HHAT: variants seen among roughly 807,000 people sequenced by gnomAD.
HHAT encodes hedgehog acyltransferase, also known as protein-cysteine N-palmitoyltransferase HHAT.
A neutral mutation model predicts 70.8 loss-of-function variants in HHAT; 47 were observed. The observed-to-expected ratio is 0.66, with a 90% CI of 0.53 to 0.85. The LOEUF (loss-of-function observed/expected upper bound fraction) is 0.85. Among genes scored for constraint, HHAT ranks in the 40% least tolerant of loss-of-function variants. HHAT has a pLI of 0.00. For synonymous variants in HHAT, 228 were observed against 247.6 expected (o/e 0.92, Z 0.74); for missense variants, 609 against 604.8 (o/e 1.01, Z -0.07).
intron 8 of HHAT, among the ~76,000 whole-genome samples, chr1:210,465,762 T>C (rs1272819618): frequency 6.6e-6 from 1 of 152,258 alleles, no homozygotes; most frequent in Non-Finnish European, 1.5e-5. Flanking sequence ...TAGTAACTTA[T>C]TACAGATGCT....
chr1:210,482,559 C>T (rs2094413235), intron 8 of HHAT, among the ~76,000 whole-genome samples: 2 of 152,124 alleles, frequency 1.3e-5, no homozygotes, highest in African/African-American at 4.8e-5. Context: ...TTTTTACAAC[C>T]GTGATCCCAG....
chr1:210,517,455 CTT>C lies in HHAT; in HGVS notation c.1043+4270_1043+4271del, dbSNP rs10557944. Among the ~76,000 whole-genome samples the C allele has an allele frequency of 3.6e-3, 545 of 152,206 alleles. 1 individual carries two copies. The highest frequency in any genetic ancestry group is 0.012 in the African/African-American group (518 of 41,518). On this transcript the variant is annotated intron_variant, in intron 9 of 11. Transcript: ENST00000261458. ...CTCAGAATTGTAGCCAGCACTGTCTCTTTTAAGACAAAGGTGTACATGTGGTC... is the reference window on the plus strand; with the variant it reads ...CTCAGAATTGTAGCCAGCACTGTCTCTTAAGACAAAGGTGTACATGTGGTC...
chr1:210,395,296 G>A (rs1164191683), intron 4 of HHAT, among the ~76,000 whole-genome samples: 3 of 152,206 alleles, frequency 2.0e-5, no homozygotes, highest in Non-Finnish European at 4.4e-5. Context: ...CCTTGGCACA[G>A]AATGAGCTGA....
intron 3 of HHAT, among the ~76,000 whole-genome samples, chr1:210,366,105 T>C (rs1287437966): frequency 6.6e-6 from 1 of 152,048 alleles, no homozygotes; most frequent in Non-Finnish European, 1.5e-5. Context: ...TGATTTTTAA[T>C]ATTTTGTAGA....
At chr1:210,660,163 AC>A (rs1677342827) in intron 11 of HHAT, among the ~76,000 whole-genome samples, 1 of 152,102 alleles carries the variant, frequency 6.6e-6, no homozygotes, top group Admixed American at 6.6e-5. Context: ...TATTTAGAAA[AC>A]CCCATTGTCT....
chr1:210,531,715 A>T (rs1035482885), intron 9 of HHAT, among the ~76,000 whole-genome samples: 5 of 152,178 alleles, frequency 3.3e-5, no homozygotes, highest in African/African-American at 1.2e-4. Context: ...AGGAGAGAAA[A>T]CCCATATGAA....
At chr1:210,453,452 G>A (rs1459296201) in intron 7 of HHAT, among the ~76,000 whole-genome samples, 1 of 152,132 alleles carries the variant, frequency 6.6e-6, no homozygotes, top group African/African-American at 2.4e-5. Context: ...TTGATGTGCT[G>A]TTATAAATAT....
intron 7 of HHAT, among the ~76,000 whole-genome samples, chr1:210,453,329 T>C (rs1330276435): frequency 2.0e-5 from 3 of 152,216 alleles, no homozygotes; most frequent in African/African-American, 7.2e-5. Context: ...AGTGTAAACC[T>C]AAAGCTACTC....
At chr1:210,536,323 T>G (rs1455682388) in intron 9 of HHAT, among the ~76,000 whole-genome samples, 2 of 152,258 alleles carry the variant, frequency 1.3e-5, no homozygotes, top group Non-Finnish European at 2.9e-5. Flanking sequence ...CTACTGCTGG[T>G]ATTTTGAGAA....
At chr1:210,652,307 G>A (rs1675325321) in intron 11 of HHAT, among the ~76,000 whole-genome samples, 1 of 152,198 alleles carries the variant, frequency 6.6e-6, no homozygotes, top group Non-Finnish European at 1.5e-5. Context: ...AATAGAAGTA[G>A]CATACAGCCT....
chr1:210,354,001 C>T (rs1441508756), intron 2 of HHAT, among the ~76,000 whole-genome samples: 1 of 152,042 alleles, frequency 6.6e-6, no homozygotes, highest in East Asian at 1.9e-4. Flanking sequence ...AGTAAAACCA[C>T]ACAACCATTT....
chr1:210,384,350 C>T (rs1425146144), intron 3 of HHAT, among the ~76,000 whole-genome samples: 1 of 152,098 alleles, frequency 6.6e-6, no homozygotes, highest in East Asian at 1.9e-4. Flanking sequence ...CCCTCCCTGC[C>T]TGGGAATGGT....
At chr1:210,332,536 C>T (rs1485649217) in intron 1 of HHAT, among the ~76,000 whole-genome samples, 6 of 152,228 alleles carry the variant, frequency 3.9e-5, no homozygotes, top group Non-Finnish European at 8.8e-5. Context: ...TAAAGGGCTT[C>T]TTAGCTTTAG....
chr1:210,552,596 A>C (rs1370287244), intron 9 of HHAT, among the ~76,000 whole-genome samples: 1 of 152,218 alleles, frequency 6.6e-6, no homozygotes, highest in Non-Finnish European at 1.5e-5. Context: ...TTGCTCTTGA[A>C]TTGAGACACC....
chr1:210,656,251 G>C (rs913328241), intron 11 of HHAT, among the ~76,000 whole-genome samples: 10 of 152,116 alleles, frequency 6.6e-5, no homozygotes, highest in Middle Eastern at 3.4e-3. Context: ...AGCCCTTCTA[G>C]ACCTCCCATA....
chr1:210,530,976 C>T (rs150437427), intron 9 of HHAT, among the ~76,000 whole-genome samples: 1 of 152,202 alleles, frequency 6.6e-6, no homozygotes, highest in Non-Finnish European at 1.5e-5. Context: ...AGGATACATT[C>T]TGAGAAATGC....
intron 9 of HHAT, among the ~76,000 whole-genome samples, chr1:210,578,766 T>G (rs1658496368): frequency 1.3e-5 from 2 of 152,198 alleles, no homozygotes; most frequent in African/African-American, 4.8e-5. Context: ...CATAAGGCTA[T>G]GAAGGCGAAA....
intron 8 of HHAT, among the ~76,000 whole-genome samples, chr1:210,496,710 G>A (rs1434925890): frequency 6.6e-6 from 1 of 152,190 alleles, no homozygotes; most frequent in Admixed American, 6.5e-5. Context: ...AGGAAGCTCT[G>A]CTGTTGATGC....
At chr1:210,589,864 A>G (rs1179760292) in intron 10 of HHAT, 1 of 152,216 alleles carries the variant, frequency 6.6e-6, no homozygotes, top group Non-Finnish European at 1.5e-5. Flanking sequence ...CCTTCCATCT[A>G]CAATTCAGGT....
Sources: gnomAD v4.1 joint callset for allele counts (sites outside exome capture counted in the v4.1 genomes callset) on GRCh38, gnomAD v4.1.1 for gene constraint, MANE v1.5 for transcripts, NCBI Gene and HGNC (gene_info 2026-07-23, HGNC 2026-07-21) for gene names.